The following TNKS variants were observed in gnomAD, a reference collection of about 807,000 sequenced individuals.
The protein encoded by TNKS is poly [ADP-ribose] polymerase tankyrase-1.
A neutral mutation model predicts 135.8 loss-of-function variants in TNKS; 72 were observed. The ratio of observed to expected loss-of-function variants is 0.53; its 90% CI spans 0.44 to 0.64. The LOEUF (loss-of-function observed/expected upper bound fraction) is 0.64, where lower values mean the gene tolerates loss of function less well. Ranked by LOEUF, TNKS falls within the 30% of genes least tolerant of loss-of-function variation. TNKS has a pLI of 0.00. For synonymous variants in TNKS, 849 were observed against 649.3 expected, an observed-to-expected ratio of 1.31 and a Z score of -4.68; for missense variants, 1,769 against 1,674.0, an observed-to-expected ratio of 1.06 and a Z score of -0.99.
At chr8:9,756,275 A>G (rs1436583773) in intron 20 of TNKS, among the ~76,000 whole-genome samples, 1 of 152,120 alleles carries the variant, frequency 6.6e-6, no homozygotes, top group Non-Finnish European at 1.5e-5. Flanking sequence ...GCTGTACCAT[A>G]CAACCTTTTA....
chr8:9,607,859 A>C (rs6651495), intron 2 of TNKS, among the ~76,000 whole-genome samples: 43,763 of 151,832 alleles, frequency 0.29, 6,598 homozygotes, highest in East Asian at 0.39. Flanking sequence ...AATGTGAAAC[A>C]CTCCTTTTTT....
chr8:9,576,277 A>G (rs1797940923), intron 1 of TNKS, among the ~76,000 whole-genome samples: 1 of 152,134 alleles, frequency 6.6e-6, no homozygotes, highest in Non-Finnish European at 1.5e-5. Flanking sequence ...CACTGCTATA[A>G]AGAACTACCT....
chr8:9,561,070 G>A (rs1181994589), intron 1 of TNKS, among the ~76,000 whole-genome samples: 2 of 152,058 alleles, frequency 1.3e-5, no homozygotes, highest in African/African-American at 4.8e-5. Context: ...TTATAATACT[G>A]TACAATTTCT....
chr8:9,715,366 G>C (rs199859287), intron 11 of TNKS, among the ~76,000 whole-genome samples: 1 of 82,814 alleles, frequency 1.2e-5, no homozygotes, highest in African/African-American at 4.2e-5. Context: ...CAGCAGGGGG[G>C]GCGGGTATGA....
At chr8:9,734,697 T>C (rs1211406710) in intron 15 of TNKS, among the ~76,000 whole-genome samples, 168 bp from the exon 16 acceptor site, 4 of 152,230 alleles carry the variant, frequency 2.6e-5, no homozygotes, top group Admixed American at 2.6e-4. Flanking sequence ...GTTAGAAAGC[T>C]GATCCATTAT....
intron 1 of TNKS, among the ~76,000 whole-genome samples, chr8:9,567,090 T>C (rs1289196844): frequency 6.6e-6 from 1 of 152,238 alleles, no homozygotes; most frequent in Non-Finnish European, 1.5e-5. Flanking sequence ...CGATTCTTAC[T>C]GCTTTCTCAA....
At chr8:9,664,050 G>T (rs2128789327) in intron 3 of TNKS, among the ~76,000 whole-genome samples, 1 of 152,296 alleles carries the variant, frequency 6.6e-6, no homozygotes, top group South Asian at 2.1e-4. Context: ...CTATCCAGGA[G>T]CCCCCAGCCA....
intron 20 of TNKS, 102 bp from the exon 21 acceptor site, chr8:9,761,414 C>CTTAA (rs1435061474): frequency 8.0e-7 from 1 of 1,246,324 alleles, no homozygotes; most frequent in Non-Finnish European, 1.1e-6. Flanking sequence ...AAAGAATTTT[C>CTTAA]TTAATTTGAA....
chr8:9,668,100 C>A (rs1399439766), intron 3 of TNKS, among the ~76,000 whole-genome samples: 1 of 152,086 alleles, frequency 6.6e-6, no homozygotes, highest in African/African-American at 2.4e-5. Flanking sequence ...AAGTAATCAC[C>A]CGTGTGAACA....
chr8:9,766,483 C>G (rs202102852), intron 25 of TNKS, 58 bp downstream of exon 25: 4 of 890,750 alleles, frequency 4.5e-6, no homozygotes, highest in Non-Finnish European at 5.9e-6. Flanking sequence ...ACCAAATTGT[C>G]TTTTTTTTTT....
At chr8:9,630,674 C>G (rs1312001530) in intron 3 of TNKS, among the ~76,000 whole-genome samples, 1 of 152,146 alleles carries the variant, frequency 6.6e-6, no homozygotes, top group Non-Finnish European at 1.5e-5. Flanking sequence ...TACTAGTACT[C>G]CAATAATAGC....
chr8:9,647,045 C>G (rs771778515), intron 3 of TNKS, among the ~76,000 whole-genome samples: 5 of 152,054 alleles, frequency 3.3e-5, no homozygotes, highest in Non-Finnish European at 7.4e-5. Flanking sequence ...CATTTTCTAG[C>G]CAATATCATA....
chr8:9,696,937 A>G (rs1803542208), intron 5 of TNKS, among the ~76,000 whole-genome samples: 1 of 152,216 alleles, frequency 6.6e-6, no homozygotes, highest in African/African-American at 2.4e-5. Flanking sequence ...TCTTCAAAAA[A>G]TTAGAAAAAA....
At chr8:9,744,461 A>G (rs1806132948) in intron 17 of TNKS, among the ~76,000 whole-genome samples, 2 of 152,222 alleles carry the variant, frequency 1.3e-5, no homozygotes, top group African/African-American at 4.8e-5. Flanking sequence ...ACTGAAGCCA[A>G]GCATGTTTCT....
rs199699778 is a variant in TNKS, at chr8:9,556,373, C to G, written c.434C>G (p.Ser145Cys). 6.2e-7 allele frequency: 1 copy of G among 1,614,236 alleles called. No individual in the cohort carries two copies. Among genetic ancestry groups the G allele is most frequent in the Non-Finnish European group, 8.5e-7 (1 of 1,180,046 alleles). Residue 145 changes from serine to cysteine, a missense_variant, in exon 1 of 27, where the codon TCC (serine) becomes TGC (cysteine). Around this residue, in one of 5 missense-constraint regions of TNKS, gnomAD observed 450 missense variants for 304.9 expected, o/e 1.48. Coordinates refer to ENST00000310430, the MANE Select transcript of TNKS (RefSeq NM_003747.3). ...TCTTCCTCATCTTCCTCTCCATCCT[C>G]CCCTGGATCGAGCTTGGCGGAGAGC... ...PTSSSSSSPS[S>C]PGSSLAESPE...
At chr8:9,660,937 C>A (rs1216967038) in intron 3 of TNKS, among the ~76,000 whole-genome samples, 2 of 147,422 alleles carry the variant, frequency 1.4e-5, no homozygotes. Context: ...TTCTTATACA[C>A]CAATAGCAGA....
intron 2 of TNKS, among the ~76,000 whole-genome samples, chr8:9,584,481 C>T (rs1161376153): frequency 7.2e-5 from 11 of 152,150 alleles, no homozygotes; most frequent in Non-Finnish European, 1.5e-4. Flanking sequence ...GTGGCCTGGT[C>T]ATAATGTTTC....
In TNKS at chr8:9,692,572, G is replaced by A. The variant is rs574843814; in HGVS notation, c.1107+11772G>A. 5.9e-5 allele frequency among the ~76,000 whole-genome samples: 9 copies of A among 152,288 alleles called. No individual in the cohort carries two copies. In the East Asian group the frequency reaches 1.2e-3, roughly 20 times the overall value. ...TCTAAGAACAGTGCTTGAAAGAACC[G>A]CTGACCAAGAGGTCCAGGACCAGAG... On this transcript the variant is annotated intron_variant, in intron 5 of 26. Transcript: ENST00000310430.
At chr8:9,721,101 G>A (rs188099442) in intron 12 of TNKS, among the ~76,000 whole-genome samples, 13 of 151,834 alleles carry the variant, frequency 8.6e-5, no homozygotes, top group Non-Finnish European at 1.8e-4. Flanking sequence ...CCAACATGGT[G>A]AAACCCTGTC....
Sources: gnomAD v4.1 joint callset for allele counts (sites outside exome capture counted in the v4.1 genomes callset) on GRCh38, gnomAD v4.1.1 for gene constraint, gnomAD v4.1.1 regional missense constraint, MANE v1.5 for transcripts, NCBI Gene and HGNC (gene_info 2026-07-23, HGNC 2026-07-21) for gene names.